The following TTC29 variants were observed in gnomAD, a reference collection of about 807,000 sequenced individuals.
TTC29 encodes tetratricopeptide repeat domain 29.
A neutral mutation model predicts 58.1 loss-of-function variants in TTC29; 49 were observed. That is an observed-to-expected ratio of 0.84 (90% CI 0.67 to 1.07). The LOEUF is 1.07. Among genes scored for constraint, TTC29 ranks in the 50% least tolerant of loss-of-function variants. TTC29 has a pLI of 0.00. For missense variants in TTC29, 582 were observed against 555.6 expected (o/e 1.05, Z -0.48); for synonymous variants, 209 against 196.8 (o/e 1.06, Z -0.52).
intron 6 of TTC29, among the ~76,000 whole-genome samples, chr4:146,891,941 C>T (rs932143913): frequency 5.3e-5 from 8 of 152,110 alleles, no homozygotes; most frequent in African/African-American, 1.7e-4. Context: ...GCAGTTCAGG[C>T]ACCCCTGATG....
chr4:146,895,286 C>T (rs971003037), intron 6 of TTC29, among the ~76,000 whole-genome samples: 1 of 152,168 alleles, frequency 6.6e-6, no homozygotes, highest in Non-Finnish European at 1.5e-5. Flanking sequence ...ATTAGGAATG[C>T]AGGACTGAAC....
chr4:146,822,748 A>G (rs1751933964), intron 9 of TTC29, among the ~76,000 whole-genome samples: 1 of 152,170 alleles, frequency 6.6e-6, no homozygotes, highest in Non-Finnish European at 1.5e-5. Flanking sequence ...CTATTTCTCC[A>G]CAGCCTCACC....
At chr4:146,880,455 C>T (rs1731550808) in intron 6 of TTC29, among the ~76,000 whole-genome samples, 1 of 152,028 alleles carries the variant, frequency 6.6e-6, no homozygotes, top group Non-Finnish European at 1.5e-5. Context: ...AAAACCCAAA[C>T]AATGTTGTAA....
At chr4:146,872,725 G>A (rs1456859859) in intron 7 of TTC29, among the ~76,000 whole-genome samples, 1 of 151,968 alleles carries the variant, frequency 6.6e-6, no homozygotes, top group Admixed American at 6.6e-5. Flanking sequence ...TAATGAAGAA[G>A]ATAAAAGTAA....
Position 146,903,545 on chromosome 4 carries a change from A to T in TTC29, c.585T>A (p.Asp195Glu). 1 of 1,598,886 alleles carries T rather than the reference A, an allele frequency of 6.3e-7. No individual in the cohort carries two copies. Among genetic ancestry groups the T allele is most frequent in the Non-Finnish European group, 8.5e-7 (1 of 1,172,414 alleles). Residue 195 changes from aspartate (D) to glutamate (E), a missense_variant and splice_region_variant, in exon 6 of 13, where the codon GAT becomes GAA. Physicochemically the swap from Asp to Glu is conservative, Grantham distance 45. Transcript: ENST00000325106. ...GCATCCTGGCAAATGCCCACTCACC[A>T]TCTTCCTCGTAGAGAAGACCCATAT... ...HMHMGLLYEE[D>E]GQLLEAAEHY...
At chr4:146,714,045 CTT>C in intron 11 of TTC29, among the ~76,000 whole-genome samples, 1 of 152,108 alleles carries the variant, frequency 6.6e-6, no homozygotes, top group Non-Finnish European at 1.5e-5. Context: ...CAGATTGACT[CTT>C]TTCCTAAAAC....
chr4:146,865,028 A>T (rs2150205794), intron 8 of TTC29, among the ~76,000 whole-genome samples: 1 of 152,100 alleles, frequency 6.6e-6, no homozygotes, highest in East Asian at 1.9e-4. Context: ...AGTGTAAGGG[A>T]TTTGCCCAGT....
intron 8 of TTC29, 58 bp downstream of exon 8, chr4:146,867,440 T>A: frequency 1.1e-6 from 1 of 873,510 alleles, no homozygotes; most frequent in Non-Finnish European, 1.7e-6. Context: ...TATAGGAAAA[T>A]AAAATAAATA....
At chr4:146,779,079 A>AACTT (rs1366902627) in intron 11 of TTC29, among the ~76,000 whole-genome samples, 1 of 151,780 alleles carries the variant, frequency 6.6e-6, no homozygotes, top group African/African-American at 2.4e-5. Flanking sequence ...TAAGAAGAGG[A>AACTT]ACTTAAATCT....
intron 6 of TTC29, among the ~76,000 whole-genome samples, chr4:146,895,727 G>A (rs1732724806): frequency 6.6e-6 from 1 of 152,148 alleles, no homozygotes; most frequent in Non-Finnish European, 1.5e-5. Context: ...ATTATGATCT[G>A]TCTGACTCCT....
At chr4:146,748,336 T>C (rs1034737154) in intron 11 of TTC29, among the ~76,000 whole-genome samples, 9 of 152,166 alleles carry the variant, frequency 5.9e-5, no homozygotes, top group African/African-American at 2.2e-4. Context: ...ACTCATGTCT[T>C]GGAGAGTGAG....
chr4:146,707,138 A>C lies in TTC29; in HGVS notation c.*20T>G. On this transcript the variant is annotated 3_prime_UTR_variant, in exon 13 of 13. Transcript: ENST00000325106. ...ACATGATGGATTTCTTCTTGCTTTG[A>C]TGTTAAGTGAAAAGCTGCTTTAAGT... 1 of 1,518,578 alleles carries C rather than the reference A, an allele frequency of 6.6e-7. No homozygotes were observed. Among genetic ancestry groups the C allele is most frequent in the Non-Finnish European group, 8.9e-7 (1 of 1,128,518 alleles). 94.1% of individuals were successfully genotyped at this position (1,518,578 alleles called of 1,614,324 possible).
At chr4:146,784,199 T>C (rs59759908) in intron 11 of TTC29, among the ~76,000 whole-genome samples, 7,786 of 152,000 alleles carry the variant, frequency 0.051, 698 homozygotes, top group African/African-American at 0.18. Flanking sequence ...ATATAGTGTA[T>C]AATATAGTAT....
chr4:146,894,288 C>T (rs1450381891), intron 6 of TTC29, among the ~76,000 whole-genome samples: 1 of 151,922 alleles, frequency 6.6e-6, no homozygotes, highest in African/African-American at 2.4e-5. Flanking sequence ...CCCAAACGTC[C>T]AACAATGATA....
chr4:146,762,669 A>T (rs1747000136), intron 11 of TTC29, among the ~76,000 whole-genome samples: 1 of 151,914 alleles, frequency 6.6e-6, no homozygotes, highest in Non-Finnish European at 1.5e-5. Flanking sequence ...TTCTAAAAAC[A>T]TGATTCAAGT....
chr4:146,728,774 CATATAT>C (rs1454226268), intron 11 of TTC29, among the ~76,000 whole-genome samples: 3 of 124,050 alleles, frequency 2.4e-5, no homozygotes, highest in South Asian at 2.4e-4. Context: ...TATATATACA[CATATAT>C]ATGTGTATAT....
intron 11 of TTC29, among the ~76,000 whole-genome samples, chr4:146,795,344 A>G (rs944088330): frequency 6.6e-6 from 1 of 152,152 alleles, no homozygotes; most frequent in Non-Finnish European, 1.5e-5. Flanking sequence ...ACTTCTTGTC[A>G]TTAGTGTCTT....
intron 5 of TTC29, 116 bp from the exon 6 acceptor site, chr4:146,903,845 A>G: frequency 1.4e-6 from 1 of 732,616 alleles, no homozygotes; most frequent in Non-Finnish European, 1.9e-6. Context: ...GTGATTACCA[A>G]TTTTAAAAAT....
At chr4:146,751,238 G>C (rs563904602) in intron 11 of TTC29, among the ~76,000 whole-genome samples, 1 of 152,238 alleles carries the variant, frequency 6.6e-6, no homozygotes, top group South Asian at 2.1e-4. Flanking sequence ...AACACAAAGA[G>C]AAAAATAGAT....
Sources: allele counts gnomAD v4.1 joint callset (sites outside exome capture counted in the v4.1 genomes callset), GRCh38; gene constraint gnomAD v4.1.1; transcripts MANE v1.5; gene names NCBI Gene and HGNC (gene_info 2026-07-23, HGNC 2026-07-21).